The following TBX10 variants were observed in gnomAD, a reference collection of about 807,000 sequenced individuals.
TBX10 encodes T-box transcription factor 10.
In TBX10, 26 loss-of-function variants were observed where a neutral mutation model predicts 32.4. The observed-to-expected ratio is 0.80, with a 90% confidence interval of 0.59 to 1.11. The LOEUF is 1.11. Ranked by LOEUF, TBX10 falls within the 50% of genes most tolerant of loss-of-function variation. The pLI, the probability that TBX10 is intolerant of heterozygous loss-of-function variation, is 0.00. For synonymous variants in TBX10, 195 were observed against 203.1 expected (o/e 0.96, Z 0.34); for missense variants, 490 against 494.5 (o/e 0.99, Z 0.09).
chr11:67,637,262 T>G (rs1481961560), intron 1 of TBX10, among the ~76,000 whole-genome samples: 1 of 152,234 alleles, frequency 6.6e-6, no homozygotes, highest in Non-Finnish European at 1.5e-5. Flanking sequence ...TGGATGCTAA[T>G]GATGGTTGCA....
rs375222437 is a variant in TBX10, at chr11:67,635,132, G to C, written c.139C>G (p.Gln47Glu). Residue 47 changes from glutamine to glutamate, a missense_variant, in exon 2 of 8, where the codon CAA becomes GAA. Gln to Glu is a conservative substitution (Grantham distance 29). Transcript: ENST00000335385. ...TGCCCAGTGGGCTCGGCCACAGCTT[G>C]GGCCCCAGTAGAGCTGGTGCAAGGG... ...SGPCTSSTGA[Q>E]AVAEPTGQGP... is the part of the protein sequence containing the mutation. The C allele has an allele frequency of 3.1e-6, 5 of 1,613,784 alleles. No homozygotes were observed. In the African/African-American group the frequency reaches 6.7e-5, roughly 22 times the overall value.
upstream of TBX10, among the ~76,000 whole-genome samples, chr11:67,640,968 C>A (rs970287739): frequency 2.0e-5 from 3 of 152,100 alleles, no homozygotes; most frequent in African/African-American, 7.2e-5. Flanking sequence ...CCTGGCCCAA[C>A]CCCATGCCCG....
At chr11:67,639,393 T>TGACC in intron 1 of TBX10, 73 bp downstream of exon 1, 1 of 726,926 alleles carries the variant, frequency 1.4e-6, no homozygotes, top group Non-Finnish European at 2.5e-6. Flanking sequence ...CTGTCTTGGT[T>TGACC]CCCACCCTGC....
Position 67,631,810 on chromosome 11 carries a change from G to A in TBX10, c.953C>T (p.Ala318Val), listed in dbSNP as rs1387658333. Residue 318 changes from alanine (A) to valine (V), a missense_variant, in exon 8 of 8, where the codon GCC becomes GTC. Physicochemically the swap from Ala to Val is moderately conservative, Grantham distance 64. Transcript: ENST00000335385. ...QLLPPPEVLLAPATYRPVTYQ... is the reference protein window; with the variant it reads ...QLLPPPEVLLVPATYRPVTYQ... ...CGTGACAGGCCTGTAGGTGGCCGGG[G>A]CCAGCAGGACCTCAGGTGGGGGCAG... The A allele has an allele frequency of 6.3e-7, 1 of 1,589,794 alleles. No homozygotes were observed. The highest frequency in any genetic ancestry group is 1.8e-5 in the Admixed American group (1 of 55,090).
In TBX10 at chr11:67,631,553, A is replaced by G. The variant is rs1855231075; in HGVS notation, c.*52T>C. On this transcript the variant is annotated 3_prime_UTR_variant, in exon 8 of 8. Transcript: ENST00000335385. Reference sequence around the variant, plus strand: ...GGGGGCGGGGCAGAGGCTGATTCCCACACCCGGTGTAAGGTCCAGGGTAGC... The same window carrying G: ...GGGGGCGGGGCAGAGGCTGATTCCCGCACCCGGTGTAAGGTCCAGGGTAGC... The G allele has an allele frequency of 3.2e-6, 5 of 1,552,992 alleles. No individual in the cohort carries two copies. Among genetic ancestry groups the G allele is most frequent in the Non-Finnish European group, 4.3e-6 (5 of 1,155,644 alleles).
intron 1 of TBX10, 73 bp downstream of exon 1, chr11:67,639,393 T>TACCCCCCCCCCC: frequency 2.8e-6 from 2 of 726,926 alleles, no homozygotes; most frequent in East Asian, 2.7e-5. Context: ...CTGTCTTGGT[T>TACCCCCCCCCCC]CCCACCCTGC....
intron 4 of TBX10, 138 bp from the exon 5 acceptor site, chr11:67,633,241 G>T: frequency 9.1e-7 from 1 of 1,095,622 alleles, no homozygotes; most frequent in Non-Finnish European, 1.3e-6. Flanking sequence ...CAGGGTCTGA[G>T]CTGGAGAGGC....
intron 4 of TBX10, 39 bp downstream of exon 4, chr11:67,634,150 C>T (rs1391845515): frequency 3.1e-6 from 5 of 1,608,172 alleles, no homozygotes; most frequent in Non-Finnish European, 4.2e-6. Flanking sequence ...CCAGCCCTGA[C>T]CCCAGGCCCT....
At chr11:67,633,802 C>T (rs1370130313) in intron 4 of TBX10, among the ~76,000 whole-genome samples, 1 of 152,178 alleles carries the variant, frequency 6.6e-6, no homozygotes, top group Non-Finnish European at 1.5e-5. Context: ...ACGCTGGGGA[C>T]AGTGTCTTCT....
chr11:67,632,249 C>G (rs1855247390), intron 7 of TBX10, 69 bp downstream of exon 7: 2 of 1,569,688 alleles, frequency 1.3e-6, no homozygotes, highest in Non-Finnish European at 1.8e-6. Flanking sequence ...TCCTGGAGGT[C>G]CTGTCCCTTT....
Position 67,639,488 on chromosome 11 carries a change from G to A in TBX10, c.-16C>T, listed in dbSNP as rs1855375343. 7 of 1,612,550 alleles carry A rather than the reference G, an allele frequency of 4.3e-6. No homozygotes were observed. Among genetic ancestry groups the A allele is most frequent in the Middle Eastern group, 1.7e-4 (1 of 6,056 alleles). ...TACCTGCCATGGAGACAGAGAGGCTGTCCGGCTCCTGGAGAAACACTGCTT... is the reference window on the plus strand; with the variant it reads ...TACCTGCCATGGAGACAGAGAGGCTATCCGGCTCCTGGAGAAACACTGCTT... On this transcript the variant is annotated 5_prime_UTR_variant, in exon 1 of 8. Transcript: ENST00000335385.
At chr11:67,638,210 A>AAAATAAATAAATAAATAAAT (rs3029208) in intron 1 of TBX10, among the ~76,000 whole-genome samples, 2,344 of 149,770 alleles carry the variant, frequency 0.016, 69 homozygotes, top group African/African-American at 0.055. Flanking sequence ...TCTGTCTCAA[A>AAAATAAATAAATAAATAAAT]AAATAAATAA....
chr11:67,639,393 T>TGCCCCCCCCCCCCCCCCCCCCCCCCCC, intron 1 of TBX10, 73 bp downstream of exon 1: 1 of 726,926 alleles, frequency 1.4e-6, no homozygotes, highest in Non-Finnish European at 2.5e-6. Context: ...CTGTCTTGGT[T>TGCCCCCCCCCCCCCCCCCCCCCCCCCC]CCCACCCTGC....
At chr11:67,632,243 G>A in intron 7 of TBX10, 75 bp downstream of exon 7, 1 of 1,545,278 alleles carries the variant, frequency 6.5e-7, no homozygotes. Context: ...GCCCCTTCCT[G>A]GAGGTCCTGT....
At chr11:67,632,042 C>T in intron 7 of TBX10, 148 bp from the exon 8 acceptor site, 2 of 1,240,464 alleles carry the variant, frequency 1.6e-6, no homozygotes, top group Non-Finnish European at 2.3e-6. Flanking sequence ...GGAATTTCTT[C>T]TTCACCTTCT....
chr11:67,635,111 C>A lies in TBX10; in HGVS notation c.160G>T (p.Gly54Trp), dbSNP rs1855304681. 1.2e-6 allele frequency: 2 copies of A among 1,613,820 alleles called. No individual in the cohort carries two copies. Among genetic ancestry groups the A allele is most frequent in the South Asian group, 1.1e-5 (1 of 91,092 alleles). ...ACACGTGGGTTCTTGGGGCCCTGCC[C>A]AGTGGGCTCGGCCACAGCTTGGGCC... ...TGAQAVAEPT[G>W]QGPKNPRVSR... is the part of the protein sequence containing the mutation. The change falls in exon 2 of 8, where the codon GGG (glycine) becomes TGG (tryptophan). Residue 54 changes from glycine (G) to tryptophan (W), a missense_variant. By Grantham distance (184) the Gly-to-Trp change is radical. Coordinates refer to ENST00000335385, the MANE Select transcript of TBX10 (RefSeq NM_005995.5).
chr11:67,639,412 C>A (rs1028007944), intron 1 of TBX10, 54 bp downstream of exon 1: 1 of 1,586,310 alleles, frequency 6.3e-7, no homozygotes, highest in South Asian at 1.1e-5. Flanking sequence ...GCCCACCCAC[C>A]CTGGAACCTG....
chr11:67,640,285 C>T (rs992220477), upstream of TBX10, among the ~76,000 whole-genome samples: 1 of 152,228 alleles, frequency 6.6e-6, no homozygotes, highest in African/African-American at 2.4e-5. Context: ...TGGCAGGTCC[C>T]ACAGTCTCCG....
At chr11:67,635,367 T>G in intron 1 of TBX10, 104 bp from the exon 2 acceptor site, 1 of 1,494,630 alleles carries the variant, frequency 6.7e-7, no homozygotes, top group East Asian at 2.3e-5. Flanking sequence ...CCTCCCTGAC[T>G]GCCAGGGCTG....
Sources: allele counts gnomAD v4.1 joint callset (sites outside exome capture counted in the v4.1 genomes callset), GRCh38; gene constraint gnomAD v4.1.1; transcripts MANE v1.5; gene names NCBI Gene and HGNC (gene_info 2026-07-23, HGNC 2026-07-21).